CELF1: variants seen among roughly 807,000 people sequenced by gnomAD.
The protein encoded by CELF1 is 50 kDa nuclear polyadenylated RNA-binding protein.
CELF1 carries 10 observed loss-of-function variants against 61.8 expected under a neutral mutation model. That is an observed-to-expected ratio of 0.16 (90% CI 0.10 to 0.27). CELF1 has a LOEUF of 0.27. Among genes scored for constraint, CELF1 ranks in the 10% least tolerant of loss-of-function variants. The pLI is 1.00. For missense variants in CELF1, 380 were observed against 639.1 expected, an observed-to-expected ratio of 0.59 and a Z score of 4.37; for synonymous variants, 236 against 225.1, an observed-to-expected ratio of 1.05 and a Z score of -0.43.
chr11:47,540,689 C>T (rs144358463), intron 1 of CELF1, among the ~76,000 whole-genome samples: 5,472 of 151,992 alleles, frequency 0.036, 101 homozygotes, highest in Middle Eastern at 0.065. Flanking sequence ...TTCAAGACCA[C>T]CCTGGCCAAG....
At chr11:47,483,191 G>C (rs926296090) in intron 8 of CELF1, among the ~76,000 whole-genome samples, 8 of 152,222 alleles carry the variant, frequency 5.3e-5, no homozygotes, top group East Asian at 3.9e-4. Flanking sequence ...CTTGAGCCTG[G>C]GTGGTTGGGG....
At chr11:47,499,342 T>C in intron 3 of CELF1, 111 bp downstream of exon 3, 1 of 790,590 alleles carries the variant, frequency 1.3e-6, no homozygotes, top group African/African-American at 1.7e-5. Flanking sequence ...TTTTGGCTTC[T>C]TTCCCCATTT....
In CELF1 at chr11:47,489,939, T is replaced by TTTTTTTTTTTTTTTTTG; in HGVS notation, c.72-932_72-916dup. ...CCACTCAGAACATACCATCTTGTTT[T>TTTTTTTTTTTTTTTTTG]TTTTTTTTTTTTTTTTGAGACGGAA... On this transcript the variant is annotated intron_variant, in intron 3 of 14. Coordinates refer to ENST00000687097, the MANE Select transcript of CELF1 (RefSeq NM_001376376.1). Among the ~76,000 whole-genome samples the TTTTTTTTTTTTTTTTTG allele has an allele frequency of 3.6e-5, 4 of 110,312 alleles. 2 individuals are homozygous for TTTTTTTTTTTTTTTTTG. The highest frequency in any genetic ancestry group is 7.6e-5 in the Non-Finnish European group (4 of 52,334). 72.4% of individuals were successfully genotyped at this position (110,312 alleles called of 152,430 possible).
In CELF1 at chr11:47,553,102, CGCCGCTGCCGCT is replaced by C. The variant is rs575641108; in HGVS notation, c.-276_-265del. The C allele has an allele frequency of 2.5e-6, 1 of 398,622 alleles. No individual in the cohort carries two copies. Among genetic ancestry groups the C allele is most frequent in the Non-Finnish European group, 4.4e-6 (1 of 226,188 alleles). The allele number at this position is 398,622 out of a possible 1,614,324, so 24.7% of individuals were successfully genotyped here. On this transcript the variant is annotated 5_prime_UTR_variant, in exon 1 of 15. Transcript: ENST00000687097. ...TCCCGGGGGAGCCTCCGCGTCCCGC[CGCCGCTGCCGCT>C]GCCGCCAGAGCAGAACACCCCAAAA...
At chr11:47,495,611 C>CA (rs2092941196) in intron 3 of CELF1, among the ~76,000 whole-genome samples, 2 of 152,104 alleles carry the variant, frequency 1.3e-5, no homozygotes, top group Non-Finnish European at 2.9e-5. Context: ...AGTCATGTTG[C>CA]AACCAAAGTT....
intron 1 of CELF1, among the ~76,000 whole-genome samples, chr11:47,527,713 A>C (rs2096297169): frequency 6.6e-6 from 1 of 152,204 alleles, no homozygotes; most frequent in South Asian, 2.1e-4. Context: ...ACTGTGAATT[A>C]ATATGCTTTT....
chr11:47,492,855 A>G (rs765715462), intron 3 of CELF1, among the ~76,000 whole-genome samples: 42 of 152,182 alleles, frequency 2.8e-4, no homozygotes, highest in Non-Finnish European at 5.0e-4. Context: ...TTCTATTTCT[A>G]TTCTAGAGTG....
intron 1 of CELF1, among the ~76,000 whole-genome samples, chr11:47,501,136 C>T (rs1001083416): frequency 6.6e-6 from 1 of 152,236 alleles, no homozygotes; most frequent in African/African-American, 2.4e-5. Flanking sequence ...TAGAACTGTA[C>T]TGTAACAGCA....
At chr11:47,485,352 T>C (rs1309660125) in intron 6 of CELF1, among the ~76,000 whole-genome samples, 1 of 152,080 alleles carries the variant, frequency 6.6e-6, no homozygotes, top group African/African-American at 2.4e-5. Context: ...AGCTAATTTT[T>C]TGCAGAGAGG....
chr11:47,531,180 G>A lies in CELF1; in HGVS notation c.-154+21812C>T, dbSNP rs192157367. Among the ~76,000 whole-genome samples, 236 of 152,142 alleles carry A rather than the reference G, an allele frequency of 1.6e-3. 1 individual carries two copies. The highest frequency in any genetic ancestry group is 5.5e-3 in the African/African-American group (229 of 41,488). The stretch of plus-strand genomic sequence containing the variant: ...AAGAATCACTTGAACCCGGGAGGTC[G>A]ATGTTACAGTGAGCTGAGATCGCAC... On this transcript the variant is annotated intron_variant, in intron 1 of 14. Coordinates refer to ENST00000687097, the MANE Select transcript of CELF1 (RefSeq NM_001376376.1).
At position 47,553,070 on chromosome 11, in the gene CELF1, G is replaced by GGCCGAATCCCGGGGGAGCC. The variant is rs1352946513; in HGVS notation, c.-251_-233dup. 3.2e-5 allele frequency: 13 copies of GGCCGAATCCCGGGGGAGCC among 400,896 alleles called. No individual in the cohort carries two copies. The highest frequency in any genetic ancestry group is 1.0e-4 in the African/African-American group (5 of 48,564). The allele number at this position is 400,896 out of a possible 1,614,324, so 24.8% of individuals were successfully genotyped here. ...GCCGCCGCCGCCGCCTCGCTGCTGA[G>GGCCGAATCCCGGGGGAGCC]GCCGAATCCCGGGGGAGCCTCCGCG... On this transcript the variant is annotated 5_prime_UTR_variant, in exon 1 of 15. Coordinates refer to ENST00000687097, the MANE Select transcript of CELF1 (RefSeq NM_001376376.1).
At chr11:47,536,734 C>T (rs568380571) in intron 1 of CELF1, among the ~76,000 whole-genome samples, 3 of 152,076 alleles carry the variant, frequency 2.0e-5, no homozygotes, top group Admixed American at 1.3e-4. Context: ...CTCCAGCCTG[C>T]GTGACAGAGT....
chr11:47,515,538 A>G (rs2095505996), intron 1 of CELF1, among the ~76,000 whole-genome samples: 1 of 152,214 alleles, frequency 6.6e-6, no homozygotes, highest in Non-Finnish European at 1.5e-5. Flanking sequence ...CCACTTGTGC[A>G]GCTCATCAGG....
At chr11:47,537,918 C>CTT (rs561531761) in intron 1 of CELF1, among the ~76,000 whole-genome samples, 4 of 142,620 alleles carry the variant, frequency 2.8e-5, no homozygotes, top group Non-Finnish European at 6.2e-5. Context: ...TTTTTCTTTT[C>CTT]TTTTTTTTTT....
chr11:47,470,223 C>T lies in CELF1; in HGVS notation c.*2007G>A, dbSNP rs1462829102. On this transcript the variant is annotated 3_prime_UTR_variant, in exon 15 of 15. Transcript: ENST00000687097. ...TATAAAACTTCTATAAAAATAGAAA[C>T]GACATTCTTGGTTCCAGCCGGTTGG... The T allele has an allele frequency of 6.6e-6, 1 of 151,766 alleles. No homozygotes were observed. Among genetic ancestry groups the T allele is most frequent in the Non-Finnish European group, 1.5e-5 (1 of 67,956 alleles). The allele number at this position is 151,766 out of a possible 1,614,324, so 9.4% of individuals were successfully genotyped here.
At chr11:47,523,024 T>C (rs2096034165) in intron 1 of CELF1, among the ~76,000 whole-genome samples, 1 of 152,184 alleles carries the variant, frequency 6.6e-6, no homozygotes, top group African/African-American at 2.4e-5. Flanking sequence ...ATCTTCATTA[T>C]GGATTACCAA....
intron 8 of CELF1, 87 bp downstream of exon 8, chr11:47,483,366 T>C (rs1235738171): frequency 5.1e-6 from 5 of 985,194 alleles, no homozygotes; most frequent in South Asian, 3.9e-5. Flanking sequence ...GGCAATCAGA[T>C]GCTGCACATG....
At chr11:47,491,796 A>T (rs1446117519) in intron 3 of CELF1, among the ~76,000 whole-genome samples, 3 of 152,262 alleles carry the variant, frequency 2.0e-5, no homozygotes, top group African/African-American at 4.8e-5. Context: ...TCTTGTAAAC[A>T]CACTGGGTAT....
chr11:47,536,937 T>C (rs1346525938), intron 1 of CELF1, among the ~76,000 whole-genome samples: 1 of 152,142 alleles, frequency 6.6e-6, no homozygotes, highest in Non-Finnish European at 1.5e-5. Context: ...TTTTGGCACA[T>C]GAGTTTAATA....
Sources: allele counts gnomAD v4.1 joint callset (sites outside exome capture counted in the v4.1 genomes callset), GRCh38; gene constraint gnomAD v4.1.1; transcripts MANE v1.5; gene names NCBI Gene and HGNC (gene_info 2026-07-23, HGNC 2026-07-21).